Variants in ZFP62 observed in about 807,000 individuals in gnomAD.
ZFP62 encodes zinc finger protein 62 homolog.
A neutral mutation model predicts 56.4 loss-of-function variants in ZFP62; 44 were observed. That is an observed-to-expected ratio of 0.78 (90% CI 0.61 to 1.00). The LOEUF is 1.00. Among genes scored for constraint, ZFP62 ranks in the 50% least tolerant of loss-of-function variants. The probability of loss-of-function intolerance (pLI) is 0.00; values close to 1 mark genes in which losing one functional copy is unlikely to be tolerated. For synonymous variants in ZFP62, 421 were observed against 388.9 expected, an observed-to-expected ratio of 1.08 and a Z score of -0.97; for missense variants, 1,030 against 1,085.7, an observed-to-expected ratio of 0.95 and a Z score of 0.72.
At chr5:180,839,578 AAG>A in the ZFP62 span, among the ~76,000 whole-genome samples, 20 of 152,296 alleles carry the variant, frequency 1.3e-4, no homozygotes, top group South Asian at 1.2e-3. Context: ...CATGGATACA[AAG>A]AGGGGAAAAA....
intron 1 of ZFP62, chr5:180,860,448 G>C (rs1469152811): frequency 6.6e-6 from 1 of 152,132 alleles, no homozygotes; most frequent in Non-Finnish European, 1.5e-5. Context: ...GCATTCCCCA[G>C]TGATCTTTTC....
chr5:180,857,473 TTG>T (rs1774050859), intron 1 of ZFP62, among the ~76,000 whole-genome samples: 1 of 152,138 alleles, frequency 6.6e-6, no homozygotes, highest in Non-Finnish European at 1.5e-5. Flanking sequence ...AATAACGGCA[TTG>T]TGGCTATGTT....
chr5:180,831,720 C>A, the ZFP62 span: 3 of 152,902 alleles, frequency 2.0e-5, no homozygotes, highest in East Asian at 5.8e-4. Context: ...ACCTCCGCAC[C>A]CTACCCGGTC....
the ZFP62 span, among the ~76,000 whole-genome samples, chr5:180,826,999 G>A: frequency 6.6e-6 from 1 of 152,190 alleles, no homozygotes; most frequent in Non-Finnish European, 1.5e-5. Flanking sequence ...GGGAAGGCTT[G>A]GTGTAGGTAA....
At chr5:180,845,830 T>C, downstream of ZFP62, 9 of 985,406 alleles carry the variant, frequency 9.1e-6, no homozygotes, top group Non-Finnish European at 1.1e-5. Flanking sequence ...TTCCCCTGCA[T>C]TGCAGGATTG....
chr5:180,858,923 G>A (rs1046575479), intron 1 of ZFP62, among the ~76,000 whole-genome samples: 3 of 152,126 alleles, frequency 2.0e-5, no homozygotes, highest in Admixed American at 6.5e-5. Flanking sequence ...GACATAGAAC[G>A]CCACCCACTC....
chr5:180,828,173 G>A, the ZFP62 span, among the ~76,000 whole-genome samples: 1 of 152,106 alleles, frequency 6.6e-6, no homozygotes, highest in Non-Finnish European at 1.5e-5. Context: ...TCTTTTCCAA[G>A]TCTCTCGTTC....
rs1453510283 is a variant in ZFP62, at chr5:180,848,515, TCTA to T, written c.*274_*276del. Reference sequence around the variant, plus strand: ...CATCTGTGTTTTATGTCCAGAAATGTCTACTGATTTTGAAGATTTGCTTCACAT... The same window carrying T: ...CATCTGTGTTTTATGTCCAGAAATGTCTGATTTTGAAGATTTGCTTCACAT... On this transcript the variant is annotated 3_prime_UTR_variant, in exon 2 of 2. Coordinates refer to ENST00000502412, the MANE Select transcript of ZFP62 (RefSeq NM_001172638.2). The T allele has an allele frequency of 3.2e-5, 37 of 1,153,244 alleles. No homozygotes were observed. The African/African-American group carries it at 4.3e-4, about 13-fold the overall frequency. The allele number at this position is 1,153,244 out of a possible 1,614,324, so 71.4% of individuals were successfully genotyped here. A position where few individuals can be genotyped will look rare whatever the true frequency, so the allele number is the denominator to read the frequency against.
intron 1 of ZFP62, 82 bp from the exon 2 acceptor site, chr5:180,851,575 T>C: frequency 1.4e-6 from 2 of 1,394,098 alleles, no homozygotes; most frequent in Non-Finnish European, 9.5e-7. Flanking sequence ...TGAACAACAT[T>C]CACTTGACAA....
rs1319029117 is a variant in ZFP62 at position 180,849,519 on chromosome 5, CTTGAG to C, written c.1971_1975del (p.Asn657LysfsTer3). On this transcript the variant is annotated frameshift_variant, in exon 2 of 2. Transcript: ENST00000502412. LOFTEE classifies it high-confidence loss of function. ...ATGGATTCTTTTATGAACTTTAAGGCTTGAGTTGTTTCTGAAGACCTTCTCACACC... is the reference window on the plus strand; with the variant it reads ...ATGGATTCTTTTATGAACTTTAAGGCTTGTTTCTGAAGACCTTCTCACACC... 7 of 1,552,132 alleles carry C rather than the reference CTTGAG, an allele frequency of 4.5e-6. No individual in the cohort carries two copies. The highest frequency in any genetic ancestry group is 2.4e-5 in the East Asian group (1 of 40,918).
the ZFP62 span, among the ~76,000 whole-genome samples, chr5:180,829,199 CCCTTTGT>C: frequency 4.1e-4 from 58 of 140,000 alleles, no homozygotes; most frequent in African/African-American, 1.9e-3. Flanking sequence ...CTGCCTTTTG[CCCTTTGT>C]CCTGTTTCCT....
chr5:180,851,137 CCA>C lies in ZFP62; in HGVS notation c.356_357del (p.Val119GlyfsTer4), dbSNP rs1285730032. On this transcript the variant is annotated frameshift_variant, in exon 2 of 2. Coordinates refer to ENST00000502412, the MANE Select transcript of ZFP62 (RefSeq NM_001172638.2). LOFTEE classifies it high-confidence loss of function. ...GQRGSEQGKR[V>X]ENINGTSYPS... ...GGGTAGGAGGTTCCATTAATGTTCT[CCA>C]CACGTTTGCCTTGCTCACTGCCTCT... 2 of 1,551,696 alleles carry C rather than the reference CCA, an allele frequency of 1.3e-6. No homozygotes were observed. The highest frequency in any genetic ancestry group is 1.7e-6 in the Non-Finnish European group (2 of 1,146,992).
chr5:180,845,614 C>T (rs1773396204), downstream of ZFP62: 1 of 656,700 alleles, frequency 1.5e-6, no homozygotes, highest in African/African-American at 1.9e-5. Context: ...GCTTCCTTCT[C>T]CATGTCTCTA....
In ZFP62 at chr5:180,853,431, G is replaced by A. The variant is rs1481907148; in HGVS notation, c.2-1938C>T. Among the ~76,000 whole-genome samples the A allele has an allele frequency of 2.0e-5, 3 of 152,232 alleles. No individual in the cohort carries two copies. In the East Asian group the frequency reaches 5.8e-4, roughly 29 times the overall value. On this transcript the variant is annotated intron_variant, in intron 1 of 1. Coordinates refer to ENST00000502412, the MANE Select transcript of ZFP62 (RefSeq NM_001172638.2). ...ATGAGGTTCATCACCTACAAGGGAGGAGTGTGGAGAATGGAGCAGAAGGGA... is the reference window on the plus strand; with the variant it reads ...ATGAGGTTCATCACCTACAAGGGAGAAGTGTGGAGAATGGAGCAGAAGGGA...
At chr5:180,853,903 A>G (rs1041983108) in intron 1 of ZFP62, among the ~76,000 whole-genome samples, 1 of 152,210 alleles carries the variant, frequency 6.6e-6, no homozygotes, top group Non-Finnish European at 1.5e-5. Flanking sequence ...GCAAGAGAAG[A>G]AGGCGAAAAT....
the ZFP62 span, among the ~76,000 whole-genome samples, chr5:180,828,831 A>G: frequency 1.3e-5 from 2 of 152,214 alleles, no homozygotes; most frequent in Admixed American, 1.3e-4. Flanking sequence ...ATGGACGTGC[A>G]AGTAGGGAAG....
At chr5:180,859,466 A>G (rs948956496) in intron 1 of ZFP62, among the ~76,000 whole-genome samples, 5 of 152,236 alleles carry the variant, frequency 3.3e-5, no homozygotes, top group African/African-American at 9.6e-5. Context: ...TGTCTTATGA[A>G]TATTAGGAAT....
At chr5:180,834,129 C>A in the ZFP62 span, among the ~76,000 whole-genome samples, 2 of 152,090 alleles carry the variant, frequency 1.3e-5, no homozygotes, top group African/African-American at 4.8e-5. Flanking sequence ...GATGGTAGGG[C>A]CCTCATGAGT....
chr5:180,847,513 T>C, downstream of ZFP62: 2 of 867,216 alleles, frequency 2.3e-6, no homozygotes, highest in Non-Finnish European at 2.8e-6. Flanking sequence ...GTGGGATGAG[T>C]CTACTACCCT....
Sources: gnomAD v4.1 joint callset for allele counts (sites outside exome capture counted in the v4.1 genomes callset) on GRCh38, gnomAD v4.1.1 for gene constraint, MANE v1.5 for transcripts, NCBI Gene and HGNC (gene_info 2026-07-23, HGNC 2026-07-21) for gene names.